Variants in DVL1 observed in about 807,000 individuals in gnomAD.
DVL1 encodes dishevelled segment polarity protein 1.
Under a neutral mutation model 65.0 loss-of-function variants are expected in DVL1, and 49 were observed. The observed-to-expected ratio is 0.75, with a 90% CI of 0.60 to 0.96. DVL1 has a LOEUF of 0.96. Among genes scored for constraint, DVL1 ranks in the 40% least tolerant of loss-of-function variants. The probability of loss-of-function intolerance (pLI) is 0.00; values close to 1 mark genes in which losing one functional copy is unlikely to be tolerated. For missense variants in DVL1, 1,197 were observed against 1,045.4 expected (o/e 1.15, Z -2.00); for synonymous variants, 608 against 433.9 (o/e 1.40, Z -4.99).
At chr1:1,338,229 T>TGGGGCCGCC in intron 13 of DVL1, 40 bp downstream of exon 13, 1 of 1,522,370 alleles carries the variant, frequency 6.6e-7, no homozygotes, top group Non-Finnish European at 9.0e-7. Context: ...CCTCCGGCGT[T>TGGGGCCGCC]CCCCTCCCCC....
rs1289885530 is a variant in DVL1 at position 1,349,418 on chromosome 1, C to G, written c.-353G>C. The G allele has an allele frequency of 6.9e-6, 1 of 145,484 alleles. No individual in the cohort carries two copies. Among genetic ancestry groups the G allele is most frequent in the Non-Finnish European group, 1.5e-5 (1 of 65,550 alleles). 9.0% of individuals were successfully genotyped at this position (145,484 alleles called of 1,614,324 possible). ...CGGCCCGGGGTCCTGAGCGTGGCCG[C>G]GGGGGGGCGCCCGAGCGCGCGGCGT... On this transcript the variant is annotated 5_prime_UTR_variant, in exon 1 of 15. Transcript: ENST00000378888. This position sits in a 1 kb window ranked among gnomAD's most constrained non-coding sequence, Gnocchi z 4.1.
chr1:1,341,579 AAAC>A (rs1388883380), intron 5 of DVL1, 85 bp downstream of exon 5: 2 of 1,424,642 alleles, frequency 1.4e-6, no homozygotes, highest in Admixed American at 4.8e-5. Flanking sequence ...TGCAATGTGA[AAAC>A]ACCTCATGCA....
intron 1 of DVL1, among the ~76,000 whole-genome samples, chr1:1,347,966 G>A (rs1485334950): frequency 6.6e-6 from 1 of 152,212 alleles, no homozygotes; most frequent in Non-Finnish European, 1.5e-5. Flanking sequence ...TGAGGACCCT[G>A]CAACCACAGA....
At position 1,336,082 on chromosome 1, in the gene DVL1, C is replaced by A; in HGVS notation, c.*60G>T. ...CCACGAAGGCAAGCCCACGCGAGCTCTGCATGCGGCAGGACCGCCAGCTCC... is the reference window on the plus strand; with the variant it reads ...CCACGAAGGCAAGCCCACGCGAGCTATGCATGCGGCAGGACCGCCAGCTCC... On this transcript the variant is annotated 3_prime_UTR_variant, in exon 15 of 15. Transcript: ENST00000378888. The A allele has an allele frequency of 6.5e-7, 1 of 1,539,590 alleles. No individual in the cohort carries two copies. The highest frequency in any genetic ancestry group is 8.7e-7 in the Non-Finnish European group (1 of 1,148,280).
At chr1:1,342,882 G>T in intron 1 of DVL1, 124 bp from the exon 2 acceptor site, 1 of 891,212 alleles carries the variant, frequency 1.1e-6, no homozygotes, top group African/African-American at 1.7e-5. Context: ...ACCCCTGCTA[G>T]CGCATTCTCC....
rs1312517496 is a variant in DVL1, at chr1:1,340,194, G to A, written c.770-17C>T. 1.2e-6 allele frequency: 2 copies of A among 1,613,690 alleles called. No individual in the cohort carries two copies. The highest frequency in any genetic ancestry group is 1.7e-5 in the Admixed American group (1 of 60,028). On this transcript the variant is annotated splice_polypyrimidine_tract_variant and intron_variant, in intron 7 of 14. Coordinates refer to ENST00000378888, the MANE Select transcript of DVL1 (RefSeq NM_001330311.2). The stretch of plus-strand genomic sequence containing the variant: ...GATGTCTTTCTGCAGGAAGAGCCAT[G>A]AGCCGCGGCCAAGCCCCTGCCCCTG...
intron 5 of DVL1, among the ~76,000 whole-genome samples, chr1:1,340,776 A>C (rs1172555831): frequency 4.0e-5 from 6 of 150,448 alleles, no homozygotes; most frequent in Non-Finnish European, 5.9e-5. Flanking sequence ...ACACATGCAC[A>C]CCTGCACACA....
chr1:1,348,810 G>T, intron 1 of DVL1, 86 bp downstream of exon 1: 4 of 1,272,538 alleles, frequency 3.1e-6, no homozygotes, highest in Non-Finnish European at 4.1e-6. Flanking sequence ...GGCGCGAACG[G>T]CTCAGGACCC....
chr1:1,341,451 CACAG>C (rs1643823103), intron 5 of DVL1, among the ~76,000 whole-genome samples: 1 of 152,156 alleles, frequency 6.6e-6, no homozygotes, highest in Non-Finnish European at 1.5e-5. Context: ...CGGGCACACA[CACAG>C]GCGCGCACAC....
At chr1:1,338,229 T>TGGGCGCCCCCCCCCCCCC in intron 13 of DVL1, 40 bp downstream of exon 13, 1 of 1,522,372 alleles carries the variant, frequency 6.6e-7, no homozygotes, top group Non-Finnish European at 9.0e-7. Flanking sequence ...CCTCCGGCGT[T>TGGGCGCCCCCCCCCCCCC]CCCCTCCCCC....
chr1:1,339,164 G>A (rs1643695079), intron 11 of DVL1, 123 bp downstream of exon 11: 3 of 1,321,588 alleles, frequency 2.3e-6, no homozygotes, highest in South Asian at 1.4e-5. Context: ...GCAGGGAGTT[G>A]GGGACAGGCA....
chr1:1,338,734 C>T (rs1643678844), intron 11 of DVL1, 81 bp from the exon 12 acceptor site: 1 of 1,526,754 alleles, frequency 6.5e-7, no homozygotes, highest in Non-Finnish European at 8.7e-7. Flanking sequence ...AGGGGAGCCT[C>T]TGGGCAGAGC....
At chr1:1,345,298 G>A (rs931289414) in intron 1 of DVL1, among the ~76,000 whole-genome samples, 1 of 152,214 alleles carries the variant, frequency 6.6e-6, no homozygotes, top group African/African-American at 2.4e-5. Flanking sequence ...CCCAGTGGCA[G>A]GGTGCAGACC....
intron 1 of DVL1, among the ~76,000 whole-genome samples, chr1:1,346,543 T>C: frequency 6.6e-6 from 1 of 152,086 alleles, no homozygotes; most frequent in East Asian, 1.9e-4. Context: ...GGATCTTGGG[T>C]CAGAATAGCT....
rs143738174 is a variant in DVL1, at chr1:1,342,458, C to T, written c.267G>A (p.Ser89=). The stretch of plus-strand genomic sequence containing the variant: ...TGTCCGTGCCCTGGGACCCCGCATC[C>T]GAGTGAGCACCCTCAGCCAGGACCA... The part of the protein sequence containing the change: ...SWLVLAEGAH[S]DAGSQGTDSH... Residue 89 remains serine (S), a synonymous_variant, in exon 3 of 15, where the codon TCG becomes TCA. Coordinates refer to ENST00000378888, the MANE Select transcript of DVL1 (RefSeq NM_001330311.2). 2.5e-5 allele frequency: 40 copies of T among 1,609,420 alleles called. No homozygotes were observed. Among genetic ancestry groups the T allele is most frequent in the South Asian group, 1.8e-4 (16 of 90,682 alleles).
In DVL1 at chr1:1,339,739, G is replaced by T. The variant is rs759500388; in HGVS notation, c.983C>A (p.Thr328Lys). The T allele has an allele frequency of 6.8e-6, 11 of 1,612,906 alleles. No homozygotes were observed. Among genetic ancestry groups the T allele is most frequent in the Non-Finnish European group, 9.3e-6 (11 of 1,179,862 alleles). ...VRVLREIVSQ[T>K]GPISLTVAKC... ...CTCCAGCGCCCCCAGCCCTCACCCCGTCTGGGAAACGATCTCCCGCAGCAC... is the reference window on the plus strand; with the variant it reads ...CTCCAGCGCCCCCAGCCCTCACCCCTTCTGGGAAACGATCTCCCGCAGCAC... The change falls in exon 9 of 15, where the codon ACG becomes AAG. Residue 328 changes from threonine to lysine, a missense_variant. Thr to Lys is a moderately conservative substitution (Grantham distance 78, BLOSUM62 -1). Coordinates refer to ENST00000378888, the MANE Select transcript of DVL1 (RefSeq NM_001330311.2).
chr1:1,337,048 G>A, intron 14 of DVL1: 1 of 988,824 alleles, frequency 1.0e-6, no homozygotes, highest in Non-Finnish European at 1.2e-6. Flanking sequence ...TAGTCCTTCA[G>A]TCTAAGGCTT....
At chr1:1,341,529 G>C (rs1187175078) in intron 5 of DVL1, 138 bp downstream of exon 5, 1 of 1,182,588 alleles carries the variant, frequency 8.5e-7, no homozygotes, top group South Asian at 1.7e-5. Flanking sequence ...CATGTACACA[G>C]ACATTTGCAG....
intron 14 of DVL1, chr1:1,337,105 T>C (rs1643603280): frequency 1.0e-6 from 1 of 987,670 alleles, no homozygotes; most frequent in African/African-American, 1.7e-5. Context: ...CCCGGCTGCC[T>C]GGCACCTGCC....
Sources: gnomAD v4.1 joint callset for allele counts (sites outside exome capture counted in the v4.1 genomes callset) on GRCh38, gnomAD v4.1.1 for gene constraint, Gnocchi (gnomAD v3.1) non-coding constraint, MANE v1.5 for transcripts, NCBI Gene and HGNC (gene_info 2026-07-23, HGNC 2026-07-21) for gene names.